FYB2: variants seen among roughly 807,000 people sequenced by gnomAD.
FYB2 encodes the protein FYN-binding protein 2.
In FYB2, 103 loss-of-function variants were observed where a neutral mutation model predicts 94.1. That is an observed-to-expected ratio of 1.09 (90% CI 0.93 to 1.29). The LOEUF is 1.29. Among genes scored for constraint, FYB2 ranks in the 50% most tolerant of loss-of-function variants. FYB2 has a pLI of 0.00. For missense variants in FYB2, 896 were observed against 841.5 expected (o/e 1.06, Z -0.80); for synonymous variants, 293 against 287.9 (o/e 1.02, Z -0.18).
chr1:56,766,788 C>T (rs1395978028), intron 5 of FYB2, among the ~76,000 whole-genome samples: 1 of 152,184 alleles, frequency 6.6e-6, no homozygotes, highest in African/African-American at 2.4e-5. Flanking sequence ...AGGTCCTGAT[C>T]CTTACCTCAT....
chr1:56,757,778 T>G (rs1345201124), intron 6 of FYB2, among the ~76,000 whole-genome samples: 1 of 146,624 alleles, frequency 6.8e-6, no homozygotes, highest in Non-Finnish European at 1.5e-5. Flanking sequence ...TTTTTCTTTT[T>G]TTTTTGATAC....
At chr1:56,783,090 T>C (rs1570133705) in intron 4 of FYB2, among the ~76,000 whole-genome samples, 1 of 152,288 alleles carries the variant, frequency 6.6e-6, no homozygotes, top group South Asian at 2.1e-4. Flanking sequence ...TGTTGGAAAC[T>C]AATGAGACAT....
intron 2 of FYB2, among the ~76,000 whole-genome samples, chr1:56,791,695 A>G (rs1246968943): frequency 6.6e-6 from 1 of 152,194 alleles, no homozygotes; most frequent in Admixed American, 6.5e-5. Context: ...CTGAGAAATT[A>G]GGAGAATAAT....
chr1:56,807,078 G>C (rs1280360646), intron 1 of FYB2, among the ~76,000 whole-genome samples: 2 of 152,180 alleles, frequency 1.3e-5, no homozygotes, highest in Non-Finnish European at 2.9e-5. Context: ...GAAACTGCCT[G>C]CCAGGGAGCT....
chr1:56,784,257 G>T (rs541997100), intron 4 of FYB2, among the ~76,000 whole-genome samples: 1 of 152,240 alleles, frequency 6.6e-6, no homozygotes, highest in South Asian at 2.1e-4. Flanking sequence ...AAGGTTTGCA[G>T]AAGCTAAAGC....
chr1:56,824,653 C>T (rs1252182922), upstream of FYB2: 1 of 152,262 alleles, frequency 6.6e-6, no homozygotes, highest in Non-Finnish European at 1.5e-5. Flanking sequence ...AGGCATGGCT[C>T]CTGCTCTCAG....
chr1:56,772,421 T>C (rs570187462), intron 4 of FYB2, among the ~76,000 whole-genome samples: 1 of 152,282 alleles, frequency 6.6e-6, no homozygotes, highest in East Asian at 1.9e-4. Context: ...CCTTTTTTGT[T>C]ACCTGAGAAT....
At position 56,792,224 on chromosome 1, in the gene FYB2, GGGAA is replaced by G. The variant is rs1456794459; in HGVS notation, c.585_588del (p.Ser196ArgfsTer20). The G allele has an allele frequency of 6.2e-7, 1 of 1,613,616 alleles. No individual in the cohort carries two copies. The highest frequency in any genetic ancestry group is 1.3e-5 in the African/African-American group (1 of 74,850). ...ATTTTGGGGGCCACCACGTGCTTCT[GGGAA>G]GGAAGAGTCTGGGCTCCTTTTGTTT... On this transcript the variant is annotated frameshift_variant, in exon 2 of 20. Coordinates refer to ENST00000343433, the MANE Select transcript of FYB2 (RefSeq NM_001004303.5). LOFTEE classifies it high-confidence loss of function.
intron 1 of FYB2, among the ~76,000 whole-genome samples, chr1:56,795,100 C>A (rs4912227): frequency 0.052 from 7,811 of 151,424 alleles, 389 homozygotes; most frequent in East Asian, 0.22. Context: ...TAACCAATCT[C>A]CAGAACTCTT....
At chr1:56,791,595 C>G (rs1225581454) in intron 2 of FYB2, among the ~76,000 whole-genome samples, 2 of 152,122 alleles carry the variant, frequency 1.3e-5, no homozygotes, top group East Asian at 3.9e-4. Flanking sequence ...GAACCAAGAG[C>G]TTGGTGGCAA....
At chr1:56,784,484 G>A (rs1276692544) in intron 4 of FYB2, among the ~76,000 whole-genome samples, 5 of 152,102 alleles carry the variant, frequency 3.3e-5, no homozygotes, top group Admixed American at 2.0e-4. Flanking sequence ...CCAGTTTCCA[G>A]GGAAGTTATA....
At chr1:56,775,417 T>C (rs1409649457) in intron 4 of FYB2, among the ~76,000 whole-genome samples, 1 of 152,168 alleles carries the variant, frequency 6.6e-6, no homozygotes, top group Non-Finnish European at 1.5e-5. Context: ...TGAAGCTACA[T>C]TGTCAAACCA....
chr1:56,765,622 TG>T (rs1645604163), intron 5 of FYB2, among the ~76,000 whole-genome samples: 1 of 152,228 alleles, frequency 6.6e-6, no homozygotes, highest in African/African-American at 2.4e-5. Context: ...CCTGGTCGTT[TG>T]GCTAGAAAGA....
chr1:56,767,441 C>G (rs1033992727), intron 5 of FYB2, among the ~76,000 whole-genome samples: 1 of 152,082 alleles, frequency 6.6e-6, no homozygotes, highest in Non-Finnish European at 1.5e-5. Context: ...TCTCCACACA[C>G]CAAGTAACCA....
intron 1 of FYB2, among the ~76,000 whole-genome samples, chr1:56,814,776 A>G (rs1646843117): frequency 6.6e-6 from 1 of 152,204 alleles, no homozygotes; most frequent in South Asian, 2.1e-4. Flanking sequence ...TCCTCTCAGC[A>G]GGTCCACTTG....
chr1:56,803,030 C>T (rs80231532), intron 1 of FYB2, among the ~76,000 whole-genome samples: 152 of 152,316 alleles, frequency 1.0e-3, no homozygotes, highest in Non-Finnish European at 1.6e-3. Flanking sequence ...TTCTTTGAAA[C>T]ATTGCTTGGA....
At chr1:56,794,519 T>C (rs1646349829) in intron 1 of FYB2, among the ~76,000 whole-genome samples, 1 of 152,182 alleles carries the variant, frequency 6.6e-6, no homozygotes, top group African/African-American at 2.4e-5. Flanking sequence ...TGGGCGACCT[T>C]TTCTCACCAT....
intron 9 of FYB2, among the ~76,000 whole-genome samples, chr1:56,750,060 T>C (rs1305499054): frequency 6.6e-6 from 1 of 152,038 alleles, no homozygotes; most frequent in African/African-American, 2.4e-5. Context: ...TGCTCGATAC[T>C]TAGCCAGGTT....
chr1:56,744,176 T>C lies in FYB2; in HGVS notation c.1478A>G (p.Asp493Gly). The change falls in exon 10 of 20, where the codon GAT (aspartate) becomes GGT (glycine). Residue 493 changes from aspartate to glycine, a missense_variant. Physicochemically the swap from Asp to Gly is moderately conservative, Grantham distance 94. Coordinates refer to ENST00000343433, the MANE Select transcript of FYB2 (RefSeq NM_001004303.5). ...TSSISEEIYD[D>G]VEYSRKEVPK... ...CACCTCTTTCCTGGAGTACTCGACATCATCATATATCTCCTCCGAGATGGA... is the reference window on the plus strand; with the variant it reads ...CACCTCTTTCCTGGAGTACTCGACACCATCATATATCTCCTCCGAGATGGA... The C allele has an allele frequency of 6.2e-7, 1 of 1,612,648 alleles. No homozygotes were observed. Among genetic ancestry groups the C allele is most frequent in the East Asian group, 2.2e-5 (1 of 44,794 alleles).
Sources: allele counts gnomAD v4.1 joint callset (sites outside exome capture counted in the v4.1 genomes callset), GRCh38; gene constraint gnomAD v4.1.1; transcripts MANE v1.5; gene names NCBI Gene and HGNC (gene_info 2026-07-23, HGNC 2026-07-21).